Variants in PTPRG observed in about 807,000 individuals in gnomAD.
PTPRG encodes protein tyrosine phosphatase receptor type G, also known as receptor-type tyrosine-protein phosphatase gamma.
Under a neutral mutation model 165.3 loss-of-function variants are expected in PTPRG, and 102 were observed. That is an observed-to-expected ratio of 0.62 (90% CI 0.53 to 0.73). PTPRG has a LOEUF of 0.73. PTPRG is among the 30% of genes least tolerant of loss of function. The probability of loss-of-function intolerance (pLI) is 0.00; values close to 1 mark genes in which losing one functional copy is unlikely to be tolerated. For synonymous variants in PTPRG, 675 were observed against 669.5 expected, an observed-to-expected ratio of 1.01 and a Z score of -0.13; for missense variants, 1,866 against 1,861.4, an observed-to-expected ratio of 1.00 and a Z score of -0.05.
intron 12 of PTPRG, among the ~76,000 whole-genome samples, chr3:62,211,423 G>A (rs1445097824): frequency 2.0e-5 from 3 of 152,160 alleles, no homozygotes; most frequent in South Asian, 2.1e-4. Flanking sequence ...GATCAGTTGC[G>A]CATCAGTTGC....
chr3:61,577,871 C>T (rs1336512541), intron 1 of PTPRG, among the ~76,000 whole-genome samples: 1 of 152,194 alleles, frequency 6.6e-6, no homozygotes, highest in Admixed American at 6.5e-5. Context: ...CTAGAAGATA[C>T]TGCCTCTGGG....
At chr3:62,124,354 A>C (rs1399044737) in intron 5 of PTPRG, 6 of 1,613,152 alleles carry the variant, frequency 3.7e-6, no homozygotes, top group Non-Finnish European at 5.1e-6. Context: ...GCAGGCTGAC[A>C]ATAGTGGGAT....
intron 8 of PTPRG, among the ~76,000 whole-genome samples, chr3:62,173,396 G>A (rs146876702): frequency 2.7e-4 from 41 of 152,290 alleles, no homozygotes; most frequent in African/African-American, 9.9e-4. Flanking sequence ...CATAGAAAAT[G>A]TCTTGCGGTA....
chr3:62,051,473 G>A (rs1033043262), intron 4 of PTPRG, among the ~76,000 whole-genome samples: 7 of 152,238 alleles, frequency 4.6e-5, no homozygotes, highest in African/African-American at 1.7e-4. Flanking sequence ...GCCATTTGCA[G>A]CTTATTTCTA....
At chr3:61,835,906 G>A (rs1239526857) in intron 2 of PTPRG, among the ~76,000 whole-genome samples, 2 of 151,718 alleles carry the variant, frequency 1.3e-5, no homozygotes, top group African/African-American at 4.8e-5. Flanking sequence ...CAGGCATGGT[G>A]GCACATGCCT....
chr3:61,818,092 T>C (rs1440115302), intron 2 of PTPRG, among the ~76,000 whole-genome samples: 1 of 152,128 alleles, frequency 6.6e-6, no homozygotes, highest in Non-Finnish European at 1.5e-5. Flanking sequence ...AGCTCCACCA[T>C]ACCCCCCACC....
chr3:62,026,347 C>T (rs1439317651), intron 4 of PTPRG, among the ~76,000 whole-genome samples: 1 of 152,158 alleles, frequency 6.6e-6, no homozygotes, highest in African/African-American at 2.4e-5. Flanking sequence ...TTATTTTTTA[C>T]TTCCTAGACA....
At chr3:62,285,733 A>G (rs1702627729) in intron 28 of PTPRG, among the ~76,000 whole-genome samples, 1 of 151,424 alleles carries the variant, frequency 6.6e-6, no homozygotes, top group African/African-American at 2.5e-5. Context: ...TCAAATTTTA[A>G]AAACAGCTGG....
chr3:61,812,803 G>T (rs2035627205), intron 2 of PTPRG, among the ~76,000 whole-genome samples: 1 of 152,228 alleles, frequency 6.6e-6, no homozygotes, highest in South Asian at 2.1e-4. Context: ...TGTGGGAAGT[G>T]ATAGAGGGCA....
intron 2 of PTPRG, among the ~76,000 whole-genome samples, chr3:61,905,547 C>A (rs1371361702): frequency 6.6e-6 from 1 of 152,180 alleles, no homozygotes; most frequent in African/African-American, 2.4e-5. Context: ...CTTGCTTGTT[C>A]ATCCATTTCT....
intron 4 of PTPRG, among the ~76,000 whole-genome samples, chr3:62,014,612 G>T (rs1211755468): frequency 1.3e-5 from 2 of 152,172 alleles, no homozygotes; most frequent in African/African-American, 4.8e-5. Context: ...TCATGCCTCT[G>T]TGTTCAGCAT....
chr3:61,815,301 G>A (rs2035723416), intron 2 of PTPRG, among the ~76,000 whole-genome samples: 1 of 151,720 alleles, frequency 6.6e-6, no homozygotes, highest in East Asian at 1.9e-4. Flanking sequence ...TCCCAGCTAC[G>A]TGGGAGGCTG....
At chr3:61,949,896 C>T (rs545860369) in intron 2 of PTPRG, among the ~76,000 whole-genome samples, 8 of 152,102 alleles carry the variant, frequency 5.3e-5, no homozygotes, top group African/African-American at 1.2e-4. Context: ...TACAGGCACC[C>T]GCCACCGTGC....
intron 2 of PTPRG, among the ~76,000 whole-genome samples, chr3:61,981,358 G>T (rs1409209057): frequency 1.3e-5 from 2 of 152,182 alleles, no homozygotes; most frequent in Non-Finnish European, 2.9e-5. Context: ...AATCTTCCAG[G>T]CGCTAACTGG....
chr3:61,875,580 C>A (rs1452212703), intron 2 of PTPRG, among the ~76,000 whole-genome samples: 1 of 152,100 alleles, frequency 6.6e-6, no homozygotes, highest in African/African-American at 2.4e-5. Flanking sequence ...ACGATTCAGA[C>A]ATCTATCAGA....
At chr3:61,602,181 G>C (rs113447015) in intron 1 of PTPRG, among the ~76,000 whole-genome samples, 2,123 of 151,990 alleles carry the variant, frequency 0.014, 31 homozygotes, top group Non-Finnish European at 0.023. Context: ...AATTTCTGTG[G>C]GTACTTCTAG....
chr3:61,645,986 A>G (rs900008939), intron 1 of PTPRG, among the ~76,000 whole-genome samples: 24 of 152,186 alleles, frequency 1.6e-4, no homozygotes, highest in Non-Finnish European at 1.5e-5. Flanking sequence ...CTAACTTACT[A>G]TGTGCAGAGG....
chr3:61,989,138 T>G (rs1260858616), intron 2 of PTPRG, among the ~76,000 whole-genome samples: 3 of 152,212 alleles, frequency 2.0e-5, no homozygotes, highest in African/African-American at 7.2e-5. Context: ...ATTGCCTCCA[T>G]GATTTGTAAT....
chr3:62,017,844 C>G (rs1392161282), intron 4 of PTPRG, among the ~76,000 whole-genome samples: 1 of 152,168 alleles, frequency 6.6e-6, no homozygotes, highest in East Asian at 1.9e-4. Flanking sequence ...TTTTTGAGAG[C>G]TGTTAATATG....
Sources: allele counts gnomAD v4.1 joint callset (sites outside exome capture counted in the v4.1 genomes callset), GRCh38; gene constraint gnomAD v4.1.1; transcripts MANE v1.5; gene names NCBI Gene and HGNC (gene_info 2026-07-23, HGNC 2026-07-21).